The following FANCI variants were observed in gnomAD, a reference collection of about 807,000 sequenced individuals.
The protein encoded by FANCI is FA complementation group I.
A neutral mutation model predicts 176.1 loss-of-function variants in FANCI; 156 were observed. The observed-to-expected ratio is 0.89, with a 90% CI of 0.78 to 1.01. The LOEUF is 1.01. Among genes scored for constraint, FANCI ranks in the 50% least tolerant of loss-of-function variants. FANCI has a pLI of 0.00. For synonymous variants in FANCI, 613 were observed against 541.7 expected, an observed-to-expected ratio of 1.13 and a Z score of -1.83; for missense variants, 1,678 against 1,534.1, an observed-to-expected ratio of 1.09 and a Z score of -1.57.
chr15:89,263,559 T>C (rs2052808232), intron 7 of FANCI, 99 bp downstream of exon 7: 1 of 1,044,094 alleles, frequency 9.6e-7, no homozygotes, highest in African/African-American at 1.6e-5. Context: ...TCTCTCCTGA[T>C]TGTAAGAATA....
chr15:89,267,056 A>C (rs1030916754), intron 9 of FANCI, among the ~76,000 whole-genome samples: 8 of 152,010 alleles, frequency 5.3e-5, no homozygotes, highest in African/African-American at 1.9e-4. Context: ...GAGGCATTCC[A>C]CCATTTCAAG....
intron 10 of FANCI, 192 bp downstream of exon 10, chr15:89,268,717 C>G: frequency 4.8e-6 from 3 of 623,200 alleles, no homozygotes; most frequent in Non-Finnish European, 8.1e-6. Context: ...TTTTTAATGT[C>G]CTCACTTTAG....
intron 16 of FANCI, chr15:89,282,899 AGAAG>A (rs2053669676): frequency 2.0e-6 from 1 of 510,468 alleles, no homozygotes; most frequent in African/African-American, 1.9e-5. Context: ...AGAGCAGGAT[AGAAG>A]GAAGTAGAGT....
intron 9 of FANCI, among the ~76,000 whole-genome samples, chr15:89,265,747 A>G (rs2151321403): frequency 6.7e-6 from 1 of 148,754 alleles, no homozygotes; most frequent in East Asian, 2.0e-4. Flanking sequence ...CTGGTCTTGA[A>G]CTGACCTCAG....
At chr15:89,300,678 T>A (rs1250187757) in intron 26 of FANCI, among the ~76,000 whole-genome samples, 3 of 152,232 alleles carry the variant, frequency 2.0e-5, no homozygotes, top group Non-Finnish European at 4.4e-5. Flanking sequence ...TGTGTTTTTG[T>A]TTTCTGAGTC....
chr15:89,300,053 A>G, intron 25 of FANCI, 87 bp downstream of exon 25: 1 of 1,435,256 alleles, frequency 7.0e-7, no homozygotes, highest in Non-Finnish European at 9.8e-7. Flanking sequence ...CTACCAGAAG[A>G]CACTTGAGAA....
At chr15:89,264,499 T>TA (rs781744931) in intron 8 of FANCI, 23 bp from the exon 9 acceptor site, 111 of 1,608,188 alleles carry the variant, frequency 6.9e-5, no homozygotes, top group Non-Finnish European at 7.6e-5. Context: ...TGGGAGACCT[T>TA]ACCAATTTTG....
chr15:89,293,490 C>G (rs1446037105), intron 22 of FANCI, among the ~76,000 whole-genome samples: 1 of 152,124 alleles, frequency 6.6e-6, no homozygotes, highest in African/African-American at 2.4e-5. Context: ...AGTTCAAGAC[C>G]AGCCTGGCCA....
At chr15:89,312,279 A>G (rs1315359432) in intron 34 of FANCI, among the ~76,000 whole-genome samples, 1 of 152,166 alleles carries the variant, frequency 6.6e-6, no homozygotes, top group Non-Finnish European at 1.5e-5. Context: ...GACAGTCCCC[A>G]TTTTAACCAT....
rs768895822 is a variant in FANCI, at chr15:89,312,927, T to C, written c.3675T>C (p.Tyr1225=). 1.1e-5 allele frequency: 17 copies of C among 1,613,696 alleles called. No homozygotes were observed. The highest frequency in any genetic ancestry group is 1.4e-5 in the Non-Finnish European group (17 of 1,179,864). Residue 1225 remains tyrosine (Y), a synonymous_variant, in exon 35 of 38, where the codon TAT becomes TAC. Coordinates refer to ENST00000310775, the MANE Select transcript of FANCI (RefSeq NM_001113378.2). ...AGAATAAGAGTAAGAGCCTGAACTATACGGGAGAGAAAAAGGAGAAACCTG... is the reference window on the plus strand; with the variant it reads ...AGAATAAGAGTAAGAGCCTGAACTACACGGGAGAGAAAAAGGAGAAACCTG... ...YVQNKSKSLN[Y]TGEKKEKPAA...
In FANCI at chr15:89,281,873, C is replaced by T. The variant is rs749007750; in HGVS notation, c.1583+38C>T. 6 of 1,584,580 alleles carry T rather than the reference C, an allele frequency of 3.8e-6. No individual in the cohort carries two copies. The South Asian group carries it at 5.5e-5, about 15-fold the overall frequency. The stretch of plus-strand genomic sequence containing the variant: ...TTTTTCTATCATAGGAAGACGTTGT[C>T]TTCTAATGTTGGAGCTAAAGTTATC... On this transcript the variant is annotated intron_variant, in intron 16 of 37. Transcript: ENST00000310775.
Position 89,276,843 on chromosome 15 carries a change from C to T in FANCI, c.1245C>T (p.Asn415=), listed in dbSNP as rs1453382966. 1 of 1,614,142 alleles carries T rather than the reference C, an allele frequency of 6.2e-7. No homozygotes were observed. Among genetic ancestry groups the T allele is most frequent in the Non-Finnish European group, 8.5e-7 (1 of 1,180,014 alleles). Residue 415 remains asparagine (N), a synonymous_variant, in exon 13 of 38, where the codon AAC becomes AAT. Transcript: ENST00000310775. ...ETSPSLSRMP[N]QHACKLGANI... is the part of the protein sequence containing the mutation. ...GCCCAAGTCTTTCTAGAATGCCAAACCAGCATGCATGTAAGCTCGGAGCTA... is the reference window on the plus strand; with the variant it reads ...GCCCAAGTCTTTCTAGAATGCCAAATCAGCATGCATGTAAGCTCGGAGCTA...
At position 89,294,924 on chromosome 15, in the gene FANCI, C is replaced by A. The variant is rs1466146764; in HGVS notation, c.2466C>A (p.Ile822=). 4 of 1,552,140 alleles carry A rather than the reference C, an allele frequency of 2.6e-6. No homozygotes were observed. The highest frequency in any genetic ancestry group is 3.5e-6 in the Non-Finnish European group (4 of 1,147,062). Residue 822 remains isoleucine (I), a synonymous_variant, in exon 24 of 38, where the codon ATC becomes ATA. Transcript: ENST00000310775. ...CTCTGTCTCTCTCTAGGGATAGTAT[C>A]CAAAGCCACCAAGAAAGCCTTTCTG... ...SLLTALFRDS[I]QSHQESLSVL... is the part of the protein sequence containing the mutation.
intron 28 of FANCI, 105 bp from the exon 29 acceptor site, chr15:89,305,010 A>G: frequency 3.8e-6 from 5 of 1,305,812 alleles, no homozygotes; most frequent in South Asian, 2.4e-5. Context: ...TCCTGACCTC[A>G]GGTGATCCAC....
chr15:89,309,883 C>A (rs2054887900), intron 34 of FANCI, among the ~76,000 whole-genome samples: 1 of 152,124 alleles, frequency 6.6e-6, no homozygotes, highest in South Asian at 2.1e-4. Context: ...TATTTACTAC[C>A]CTTGTTATGA....
At chr15:89,268,676 G>T in intron 10 of FANCI, 151 bp downstream of exon 10, 2 of 896,492 alleles carry the variant, frequency 2.2e-6, no homozygotes, top group Non-Finnish European at 1.7e-6. Context: ...CTTTAAAAGT[G>T]GAAAATACAT....
intron 31 of FANCI, 144 bp from the exon 32 acceptor site, chr15:89,305,863 C>T: frequency 1.9e-6 from 2 of 1,054,920 alleles, no homozygotes; most frequent in East Asian, 2.5e-5. Flanking sequence ...TGTCTTATCA[C>T]AGCACGATTA....
At position 89,258,745 on chromosome 15, in the gene FANCI, T is replaced by C. The variant is rs1357356039; in HGVS notation, c.126T>C (p.Val42=). The C allele has an allele frequency of 6.2e-7, 1 of 1,613,654 alleles. No homozygotes were observed. Among genetic ancestry groups the C allele is most frequent in the East Asian group, 2.2e-5 (1 of 44,864 alleles). ...LLQNQAVKGK[V]AGALLRAIFK... ...AGAATCAAGCAGTGAAAGGAAAAGT[T>C]GCTGGAGCACTCCTGAGAGCCATCT... The change falls in exon 3 of 38, where the codon GTT becomes GTC. Residue 42 remains valine, a synonymous_variant. Transcript: ENST00000310775.
chr15:89,262,924 A>C lies in FANCI; in HGVS notation c.504-495A>C, dbSNP rs75616427. Reference sequence around the variant, plus strand: ...TTTTTAATTTTAAATAGAGATGGGAATCTTGCTTTATTGGCCAGGCTGGTC... The same window carrying C: ...TTTTTAATTTTAAATAGAGATGGGACTCTTGCTTTATTGGCCAGGCTGGTC... On this transcript the variant is annotated intron_variant, in intron 6 of 37. Transcript: ENST00000310775. Among the ~76,000 whole-genome samples, 42 of 152,282 alleles carry C rather than the reference A, an allele frequency of 2.8e-4. 1 individual carries two copies. In the East Asian group the frequency reaches 8.1e-3, roughly 29 times the overall value.
Sources: allele counts gnomAD v4.1 joint callset (sites outside exome capture counted in the v4.1 genomes callset), GRCh38; gene constraint gnomAD v4.1.1; transcripts MANE v1.5; gene names NCBI Gene and HGNC (gene_info 2026-07-23, HGNC 2026-07-21).